SLC30A3: variants seen among roughly 807,000 people sequenced by gnomAD.
SLC30A3 encodes the protein probable proton-coupled zinc antiporter SLC30A3.
Under a neutral mutation model 35.6 loss-of-function variants are expected in SLC30A3, and 20 were observed. That is an observed-to-expected ratio of 0.56 (90% CI 0.39 to 0.82). The LOEUF is 0.82. SLC30A3 is among the 40% of genes least tolerant of loss of function. The pLI is 0.00. For missense variants in SLC30A3, 401 were observed against 530.6 expected (o/e 0.76, Z 2.40); for synonymous variants, 217 against 224.7 (o/e 0.97, Z 0.31).
rs200925410 is a variant in SLC30A3, at chr2:27,255,437, C to T, written c.1042G>A (p.Val348Ile). The change falls in exon 8 of 8, where the codon GTC becomes ATC. Residue 348 changes from valine to isoleucine, a missense_variant. Coordinates refer to ENST00000233535, the MANE Select transcript of SLC30A3 (RefSeq NM_003459.5). The surrounding 1 kb of genome is among the most constrained non-coding windows in gnomAD (Gnocchi z 5.2). ...AIDSTADPEA[V>I]LAEASSRLYS... ...AGCCGGGATGAGGCTTCAGCCAGGA[C>T]GGCTTCAGGGTCAGCGGTGGAGTCT... is the stretch of plus-strand genomic sequence containing the variant. The T allele has an allele frequency of 2.6e-4, 426 of 1,613,618 alleles. No homozygotes were observed. Among genetic ancestry groups the T allele is most frequent in the Non-Finnish European group, 3.4e-4 (399 of 1,179,926 alleles).
rs1161569405 is a variant in SLC30A3 at position 27,257,153 on chromosome 2, C to T, written c.777+1G>A. On this transcript the variant is annotated splice_donor_variant, in intron 5 of 7. Transcript: ENST00000233535. LOFTEE classifies it high-confidence loss of function. The surrounding 1 kb of genome is among the most constrained non-coding windows in gnomAD (Gnocchi z 4.7). Reference sequence around the variant, plus strand: ...CTGGGGCAGGTCTCCAATGATGGTACCTTGAAGTAGATGAGGATGGAGGCA... The same window carrying T: ...CTGGGGCAGGTCTCCAATGATGGTATCTTGAAGTAGATGAGGATGGAGGCA... 6.2e-7 allele frequency: 1 copy of T among 1,613,604 alleles called. No individual in the cohort carries two copies. Among genetic ancestry groups the T allele is most frequent in the South Asian group, 1.1e-5 (1 of 91,054 alleles).
Position 27,256,516 on chromosome 2 carries a change from G to C in SLC30A3, c.888C>G (p.Thr296=), listed in dbSNP as rs1409771662. ...CAGGTTCGAACCCCACATTGCGGGG[G>C]GTACCTGCAACCAGCACCAGTCATG... is the stretch of plus-strand genomic sequence containing the variant. ...RDVLRILMEG[T]PRNVGFEPVR... is the part of the protein sequence containing the mutation. The change falls in exon 7 of 8, where the codon ACC becomes ACG. Residue 296 remains threonine (T), a synonymous_variant. Coordinates refer to ENST00000233535, the MANE Select transcript of SLC30A3 (RefSeq NM_003459.5). The C allele has an allele frequency of 2.5e-6, 4 of 1,613,920 alleles. No homozygotes were observed. The highest frequency in any genetic ancestry group is 3.4e-6 in the Non-Finnish European group (4 of 1,180,010).
chr2:27,264,484 C>CG, upstream of SLC30A3, among the ~76,000 whole-genome samples: 2 of 152,332 alleles, frequency 1.3e-5, no homozygotes, highest in South Asian at 4.1e-4. The surrounding 1 kb of genome is among the most constrained non-coding windows in gnomAD (Gnocchi z 6.1). Context: ...GCTGTTCCGG[C>CG]GGGGGAGAGT....
Position 27,258,139 on chromosome 2 carries a change from C to A in SLC30A3, c.424+22G>T, listed in dbSNP as rs766903778. 1.3e-5 allele frequency: 21 copies of A among 1,601,380 alleles called. No individual in the cohort carries two copies. The highest frequency in any genetic ancestry group is 1.4e-5 in the Non-Finnish European group (16 of 1,171,070). ...GCCCTCTGGCAAGATTGGAGAGTCA[C>A]TGGGCCATGCAGGGGCCTTACCTGA... On this transcript the variant is annotated intron_variant, in intron 3 of 7. Coordinates refer to ENST00000233535, the MANE Select transcript of SLC30A3 (RefSeq NM_003459.5). This position sits in a 1 kb window ranked among gnomAD's most constrained non-coding sequence, Gnocchi z 4.0.
chr2:27,261,678 G>A (rs145970515), intron 1 of SLC30A3, among the ~76,000 whole-genome samples: 1 of 152,206 alleles, frequency 6.6e-6, no homozygotes, highest in African/African-American at 2.4e-5. Flanking sequence ...TCCTCTCCCT[G>A]GCCCTCCGAA....
chr2:27,254,754 CCAAGA>C lies in SLC30A3; in HGVS notation c.*553_*557del, dbSNP rs1676737415. 1 of 210,434 alleles carries C rather than the reference CCAAGA, an allele frequency of 4.8e-6. No individual in the cohort carries two copies. The highest frequency in any genetic ancestry group is 5.8e-5 in the Admixed American group (1 of 17,344). The allele number at this position is 210,434 out of a possible 1,614,324, so 13.0% of individuals were successfully genotyped here. On this transcript the variant is annotated 3_prime_UTR_variant, in exon 8 of 8. Transcript: ENST00000233535. Reference sequence around the variant, plus strand: ...GCACAGAGACACACAGGCCACAGCACCAAGAACACACACACACACACACACACACA... The same window carrying C: ...GCACAGAGACACACAGGCCACAGCACACACACACACACACACACACACACA...
In SLC30A3 at chr2:27,255,078, C is replaced by T. The variant is rs1053746870; in HGVS notation, c.*234G>A. Reference sequence around the variant, plus strand: ...CCACACTGAGGCCTGGGAGTCCCCGCCCCTGAACTAGTCACATCTATTCCC... The same window carrying T: ...CCACACTGAGGCCTGGGAGTCCCCGTCCCTGAACTAGTCACATCTATTCCC... On this transcript the variant is annotated 3_prime_UTR_variant, in exon 8 of 8. Transcript: ENST00000233535. This position sits in a 1 kb window ranked among gnomAD's most constrained non-coding sequence, Gnocchi z 5.2. 4.7e-6 allele frequency: 7 copies of T among 1,481,298 alleles called. No individual in the cohort carries two copies. The African/African-American group carries it at 6.9e-5, about 15-fold the overall frequency. 91.8% of individuals were successfully genotyped at this position (1,481,298 alleles called of 1,614,324 possible). A position where few individuals can be genotyped will look rare whatever the true frequency, so the allele number is the denominator to read the frequency against.
Position 27,255,042 on chromosome 2 carries a change from AAC to A in SLC30A3, c.*268_*269del. 7.2e-7 allele frequency: 1 copy of A among 1,390,876 alleles called. No homozygotes were observed. The highest frequency in any genetic ancestry group is 9.4e-7 in the Non-Finnish European group (1 of 1,061,470). 86.2% of individuals were successfully genotyped at this position (1,390,876 alleles called of 1,614,324 possible). ...TGGGGAGATGGCACCACAGGCCTTC[AAC>A]ACACCCTGCCACACTGAGGCCTGGG... On this transcript the variant is annotated 3_prime_UTR_variant, in exon 8 of 8. Transcript: ENST00000233535. This position sits in a 1 kb window ranked among gnomAD's most constrained non-coding sequence, Gnocchi z 5.2.
chr2:27,273,185 G>A lies in SLC30A3; in HGVS notation c.-159+1992C>T, dbSNP rs551776482. On this transcript the variant is annotated intron_variant, in intron 1 of 5. Transcript: ENST00000424577. ...AACCCAGTTTAGAAGGCCTCTCTGA[G>A]GAGGCCTGAAGCTGAGATCCCTGAA... Among the ~76,000 whole-genome samples, 259 of 152,026 alleles carry A rather than the reference G, an allele frequency of 1.7e-3. 1 individual carries two copies. Among genetic ancestry groups the A allele is most frequent in the Non-Finnish European group, 3.1e-3 (210 of 67,998 alleles).
At chr2:27,263,238 C>T, upstream of SLC30A3, 6 of 570,768 alleles carry the variant, frequency 1.1e-5, no homozygotes, top group Non-Finnish European at 1.8e-5. Context: ...TGGAGAACTC[C>T]TCATCTCCAC....
rs923407049 is a variant in SLC30A3, at chr2:27,272,918, G to A, written c.-159+2259C>T. The stretch of plus-strand genomic sequence containing the variant: ...AATATGAAAATTAGCTGGGCATGCT[G>A]GTGCATGCCTTTAGTCCCAGCTACT... On this transcript the variant is annotated intron_variant, in intron 1 of 5. Coordinates refer to the SLC30A3 transcript ENST00000424577. 3.3e-5 allele frequency among the ~76,000 whole-genome samples: 5 copies of A among 151,726 alleles called. 1 individual carries two copies. In the East Asian group the frequency reaches 5.9e-4, roughly 18 times the overall value.
In SLC30A3 at chr2:27,257,131, G is replaced by A; in HGVS notation, c.777+23C>T. 1.2e-6 allele frequency: 2 copies of A among 1,609,770 alleles called. No homozygotes were observed. Among genetic ancestry groups the A allele is most frequent in the Non-Finnish European group, 1.7e-6 (2 of 1,176,222 alleles). ...GATGTGGTTGTGGGGAGGAAGGCTG[G>A]GGCAGGTCTCCAATGATGGTACCTT... is the stretch of plus-strand genomic sequence containing the variant. On this transcript the variant is annotated intron_variant, in intron 5 of 7. Transcript: ENST00000233535. The surrounding 1 kb of genome is among the most constrained non-coding windows in gnomAD (Gnocchi z 4.7).
chr2:27,268,925 G>C (rs1011789001), intron 1 of SLC30A3, among the ~76,000 whole-genome samples: 3 of 152,078 alleles, frequency 2.0e-5, no homozygotes, highest in Non-Finnish European at 2.9e-5. Flanking sequence ...GCCAGCAACG[G>C]GGAGAAAAGT....
rs753837268 is a variant in SLC30A3, at chr2:27,255,146, C to G, written c.*166G>C. 3.2e-6 allele frequency: 5 copies of G among 1,566,432 alleles called. No individual in the cohort carries two copies. In the African/African-American group the frequency reaches 4.0e-5, roughly 13 times the overall value. ...CCCCGCCACACTTTGGTCTTGCCCACTGGGGCTGGGGCTGGGGCTGAGGCT... is the reference window on the plus strand; with the variant it reads ...CCCCGCCACACTTTGGTCTTGCCCAGTGGGGCTGGGGCTGGGGCTGAGGCT... On this transcript the variant is annotated 3_prime_UTR_variant, in exon 8 of 8. Transcript: ENST00000233535. The surrounding 1 kb of genome is among the most constrained non-coding windows in gnomAD (Gnocchi z 5.2).
intron 1 of SLC30A3, among the ~76,000 whole-genome samples, chr2:27,272,915 G>C (rs1170355524): frequency 6.6e-6 from 1 of 151,658 alleles, no homozygotes; most frequent in Non-Finnish European, 1.5e-5. Context: ...AGCTGGGCAT[G>C]CTGGTGCATG....
Position 27,258,703 on chromosome 2 carries a change from C to T in SLC30A3, c.277+50G>A. 5 of 1,592,504 alleles carry T rather than the reference C, an allele frequency of 3.1e-6. No individual in the cohort carries two copies. In the South Asian group the frequency reaches 4.4e-5, roughly 14 times the overall value. On this transcript the variant is annotated intron_variant, in intron 2 of 7. Transcript: ENST00000233535. This position sits in a 1 kb window ranked among gnomAD's most constrained non-coding sequence, Gnocchi z 4.0. ...TCCTGGGACTCTGGGTGGAGAGTGG[C>T]TTGGGCAGGTATTTGGAGAATGGGG... is the stretch of plus-strand genomic sequence containing the variant.
upstream of SLC30A3, chr2:27,264,286 A>C (rs2148140853): frequency 2.9e-6 from 1 of 350,762 alleles, no homozygotes; most frequent in Middle Eastern, 1.0e-3. The surrounding 1 kb of genome is among the most constrained non-coding windows in gnomAD (Gnocchi z 6.1). Flanking sequence ...GCTTCTGGGG[A>C]CAGACACCTA....
At chr2:27,269,462 C>T (rs1162553437) in intron 1 of SLC30A3, among the ~76,000 whole-genome samples, 1 of 152,052 alleles carries the variant, frequency 6.6e-6, no homozygotes. Flanking sequence ...CTGCCTCAGC[C>T]TTCCAAAGTG....
At chr2:27,266,749 T>G (rs1677512106), upstream of SLC30A3, among the ~76,000 whole-genome samples, 1 of 152,112 alleles carries the variant, frequency 6.6e-6, no homozygotes, top group Non-Finnish European at 1.5e-5. Context: ...ATACAAAAAT[T>G]AGCTGGGTGT....
Sources: gnomAD v4.1 joint callset for allele counts (sites outside exome capture counted in the v4.1 genomes callset) on GRCh38, gnomAD v4.1.1 for gene constraint, Gnocchi (gnomAD v3.1) non-coding constraint, MANE v1.5 for transcripts, NCBI Gene and HGNC (gene_info 2026-07-23, HGNC 2026-07-21) for gene names.